KMT2B: variants seen among roughly 807,000 people sequenced by gnomAD.
The protein encoded by KMT2B is histone-lysine N-methyltransferase 2B.
Under a neutral mutation model 255.3 loss-of-function variants are expected in KMT2B, and 22 were observed. The observed-to-expected ratio is 0.09, with a 90% CI of 0.06 to 0.12. The LOEUF is 0.12. Ranked by LOEUF, KMT2B falls within the 10% of genes least tolerant of loss-of-function variation. The pLI is 1.00. For missense variants in KMT2B, 3,149 were observed against 3,737.0 expected (o/e 0.84, Z 4.10); for synonymous variants, 1,730 against 1,498.1 (o/e 1.15, Z -3.57).
chr19:35,721,216 AGCCCCTCCACCT>A lies in KMT2B; in HGVS notation c.1870_1881del (p.Ala624_Pro627del). 3.2e-5 allele frequency: 5 copies of A among 155,936 alleles called. No individual in the cohort carries two copies. Among genetic ancestry groups the A allele is most frequent in the Non-Finnish European group, 4.9e-5 (5 of 101,318 alleles). The allele number at this position is 155,936 out of a possible 1,614,324, so 9.7% of individuals were successfully genotyped here. On this transcript the variant is annotated inframe_deletion, in exon 3 of 37. Transcript: ENST00000420124. ...CCCGGGAGCTGCCCCCTCCTCCCCC[AGCCCCTCCACCT>A]CCCCCGGCCCCCTCCCCACCCCCTG...
At position 35,721,215 on chromosome 19, in the gene KMT2B, C is replaced by CA; in HGVS notation, c.1869dup (p.Ala624SerfsTer52). The CA allele has an allele frequency of 6.7e-7, 1 of 1,499,070 alleles. No individual in the cohort carries two copies. Among genetic ancestry groups the CA allele is most frequent in the South Asian group, 1.2e-5 (1 of 82,490 alleles). The allele number at this position is 1,499,070 out of a possible 1,614,324, so 92.9% of individuals were successfully genotyped here. On this transcript the variant is annotated frameshift_variant, in exon 3 of 37. Coordinates refer to ENST00000420124, the MANE Select transcript of KMT2B (RefSeq NM_014727.3). LOFTEE classifies it high-confidence loss of function. Reference sequence around the variant, plus strand: ...ACCCGGGAGCTGCCCCCTCCTCCCCCAGCCCCTCCACCTCCCCCGGCCCCC... The same window carrying CA: ...ACCCGGGAGCTGCCCCCTCCTCCCCCAAGCCCCTCCACCTCCCCCGGCCCCC...
intron 21 of KMT2B, 33 bp from the exon 22 acceptor site, chr19:35,729,126 T>C (rs1969584202): frequency 3.1e-6 from 5 of 1,613,874 alleles, no homozygotes; most frequent in Non-Finnish European, 4.2e-6. Context: ...TTCCCTGGCC[T>C]CCCCACATCA....
intron 19 of KMT2B, 69 bp downstream of exon 19, chr19:35,728,240 G>A (rs1370440935): frequency 9.5e-6 from 13 of 1,373,260 alleles, no homozygotes; most frequent in East Asian, 2.5e-5. Flanking sequence ...CAGGGGCCAC[G>A]CTGGGCTGAG....
Position 35,728,005 on chromosome 19 carries a change from C to T in KMT2B, c.4497+20C>T, listed in dbSNP as rs1453825074. The T allele has an allele frequency of 1.3e-6, 2 of 1,550,020 alleles. No individual in the cohort carries two copies. Among genetic ancestry groups the T allele is most frequent in the South Asian group, 2.4e-5 (2 of 84,230 alleles). ...CTGAAGGTGAGCTCTTCCGGGGATG[C>T]TTGTGGGGTGGGGGAGTGGGACCTT... On this transcript the variant is annotated intron_variant, in intron 18 of 36. Coordinates refer to ENST00000420124, the MANE Select transcript of KMT2B (RefSeq NM_014727.3).
At position 35,738,453 on chromosome 19, in the gene KMT2B, C is replaced by T. The variant is rs1190330467; in HGVS notation, c.8044C>T (p.Arg2682Cys). 2 of 1,613,972 alleles carry T rather than the reference C, an allele frequency of 1.2e-6. No individual in the cohort carries two copies. The highest frequency in any genetic ancestry group is 1.3e-5 in the African/African-American group (1 of 74,946). ...TATCTTCGCCCTGCGCCGCATCCTG[C>T]GTGGTGAGGAGCTCACCTACGACTA... ...IVIFALRRIL[R>C]GEELTYDYKF... Residue 2682 changes from arginine to cysteine, a missense_variant, in exon 37 of 37, where the codon CGT becomes TGT. Arg to Cys is a radical substitution (Grantham distance 180, BLOSUM62 -3). Around this residue, in one of 18 missense-constraint regions of KMT2B, gnomAD observed 56 missense variants for 238.8 expected, o/e 0.23. Transcript: ENST00000420124. This position sits in a 1 kb window ranked among gnomAD's most constrained non-coding sequence, Gnocchi z 8.7.
Position 35,718,039 on chromosome 19 carries a change from C to T in KMT2B, c.21C>T (p.Gly7=), listed in dbSNP as rs1599665170. The T allele has an allele frequency of 1.0e-6, 1 of 985,476 alleles. No individual in the cohort carries two copies. Among genetic ancestry groups the T allele is most frequent in the Non-Finnish European group, 1.2e-6 (1 of 831,160 alleles). 61.0% of individuals were successfully genotyped at this position (985,476 alleles called of 1,614,324 possible). MAAAAG[G]GSCPGPGSAR... ...CCAAGATGGCGGCGGCGGCGGGCGG[C>T]GGCAGTTGCCCCGGGCCTGGCTCCG... The change falls in exon 1 of 37, where the codon GGC becomes GGT. Residue 7 remains glycine (G), a synonymous_variant. Transcript: ENST00000420124. This position sits in a 1 kb window ranked among gnomAD's most constrained non-coding sequence, Gnocchi z 5.0.
rs184366107 is a variant in KMT2B at position 35,730,301 on chromosome 19, C to T, written c.5077-41C>T. On this transcript the variant is annotated intron_variant, in intron 23 of 36. Transcript: ENST00000420124. ...CAGACTTCCCTGGCATCCACCTCCC[C>T]CACCAATGCAGCCACCTCACTTTGC... The T allele has an allele frequency of 1.7e-4, 276 of 1,607,368 alleles. 3 individuals carry two copies. In the Middle Eastern group the frequency reaches 5.5e-3, roughly 32 times the overall value.
Position 35,721,576 on chromosome 19 carries a change from C to T in KMT2B, c.2229C>T (p.Ala743=), listed in dbSNP as rs749959510. 1 of 1,612,072 alleles carries T rather than the reference C, an allele frequency of 6.2e-7. No individual in the cohort carries two copies. Among genetic ancestry groups the T allele is most frequent in the Non-Finnish European group, 8.5e-7 (1 of 1,179,840 alleles). The change falls in exon 3 of 37, where the codon GCC becomes GCT. Residue 743 remains alanine (A), a synonymous_variant. Transcript: ENST00000420124. ...CTCAGCTACTGCAGCCCCTGCAGGC[C>T]TTGCAAACCCAGCTCCTGCCCCAGG... is the stretch of plus-strand genomic sequence containing the variant. ...TQAQLLQPLQ[A]LQTQLLPQAL... is the part of the protein sequence containing the mutation.
intron 3 of KMT2B, 98 bp from the exon 4 acceptor site, chr19:35,722,261 C>T (rs1382982431): frequency 2.2e-5 from 28 of 1,293,584 alleles, no homozygotes; most frequent in Non-Finnish European, 2.9e-5. Context: ...TCTCGGCCTC[C>T]CAAAGTGCTG....
intron 30 of KMT2B, chr19:35,735,390 C>G (rs913976777): frequency 6.6e-6 from 1 of 152,252 alleles, no homozygotes; most frequent in Non-Finnish European, 1.5e-5. Context: ...TTTGGTGCAG[C>G]GGATCCCTCC....
rs1969285831 is a variant in KMT2B, at chr19:35,723,057, G to A, written c.2785G>A (p.Ala929Thr). The A allele has an allele frequency of 6.2e-7, 1 of 1,612,440 alleles. No individual in the cohort carries two copies. Among genetic ancestry groups the A allele is most frequent in the African/African-American group, 1.3e-5 (1 of 74,866 alleles). The change falls in exon 6 of 37, where the codon GCA (alanine) becomes ACA (threonine). Residue 929 changes from alanine (A) to threonine (T), a missense_variant. Physicochemically the swap from Ala to Thr is moderately conservative, Grantham distance 58. This residue lies in a region of KMT2B where 132 missense variants were observed against 174.7 expected (regional missense o/e 0.76). Transcript: ENST00000420124. This position sits in a 1 kb window ranked among gnomAD's most constrained non-coding sequence, Gnocchi z 7.5. ...ACGGTCCCGGCGGGGAAAGGTGGAG[G>A]CAGCAGGCCCTGGGGGAGAATCAGA... The part of the protein sequence containing the change: ...PSRSRRGKVE[A>T]AGPGGESEPT...
Position 35,723,860 on chromosome 19 carries a change from G to A in KMT2B, c.3187G>A (p.Gly1063Arg). 1.9e-6 allele frequency: 3 copies of A among 1,606,752 alleles called. No individual in the cohort carries two copies. Among genetic ancestry groups the A allele is most frequent in the Non-Finnish European group, 1.7e-6 (2 of 1,177,010 alleles). Reference protein sequence around the residue: ...GPREEVVAHPGPEEQDSLLQR... With the variant: ...GPREEVVAHPRPEEQDSLLQR... ...CCGGGAGGAGGTGGTGGCCCACCCA[G>A]GGCCCGAGGAGCAGGACTCCCTCCT... The change falls in exon 8 of 37, where the codon GGG becomes AGG. Residue 1063 changes from glycine (G) to arginine (R), a missense_variant. Transcript: ENST00000420124. This position sits in a 1 kb window ranked among gnomAD's most constrained non-coding sequence, Gnocchi z 7.5.
chr19:35,720,261 T>C lies in KMT2B; in HGVS notation c.914T>C (p.Ile305Thr). ...RGRGGGLPFVIKFVSRAKKVK... is the reference protein window; with the variant it reads ...RGRGGGLPFVTKFVSRAKKVK... ...CGAGGTGGTGGGCTCCCCTTTGTGA[T>C]CAAGTTTGTTTCAAGGGCCAAAAAA... The change falls in exon 3 of 37, where the codon ATC (isoleucine) becomes ACC (threonine). Residue 305 changes from isoleucine to threonine, a missense_variant. Coordinates refer to ENST00000420124, the MANE Select transcript of KMT2B (RefSeq NM_014727.3). 1 of 1,612,962 alleles carries C rather than the reference T, an allele frequency of 6.2e-7. No individual in the cohort carries two copies. Among genetic ancestry groups the C allele is most frequent in the Non-Finnish European group, 8.5e-7 (1 of 1,179,640 alleles).
At position 35,723,377 on chromosome 19, in the gene KMT2B, G is replaced by T; in HGVS notation, c.3003-70G>T. ...CCAGAGCAGTGGGGTTGGCATTCTTGTGGAGAGCTTCCTCTCTTCCCCCAG... is the reference window on the plus strand; with the variant it reads ...CCAGAGCAGTGGGGTTGGCATTCTTTTGGAGAGCTTCCTCTCTTCCCCCAG... On this transcript the variant is annotated intron_variant, in intron 6 of 36. Coordinates refer to ENST00000420124, the MANE Select transcript of KMT2B (RefSeq NM_014727.3). The surrounding 1 kb of genome is among the most constrained non-coding windows in gnomAD (Gnocchi z 7.5). 6.5e-7 allele frequency: 1 copy of T among 1,539,708 alleles called. No individual in the cohort carries two copies. Among genetic ancestry groups the T allele is most frequent in the South Asian group, 1.2e-5 (1 of 82,076 alleles).
chr19:35,721,216 AG>A lies in KMT2B; in HGVS notation c.1870del (p.Ala624ProfsTer36). 7.1e-5 allele frequency: 11 copies of A among 155,904 alleles called. No individual in the cohort carries two copies. Among genetic ancestry groups the A allele is most frequent in the South Asian group, 1.4e-4 (2 of 14,350 alleles). The allele number at this position is 155,904 out of a possible 1,614,324, so 9.7% of individuals were successfully genotyped here. A position where few individuals can be genotyped will look rare whatever the true frequency, so the allele number is the denominator to read the frequency against. On this transcript the variant is annotated frameshift_variant, in exon 3 of 37. Coordinates refer to ENST00000420124, the MANE Select transcript of KMT2B (RefSeq NM_014727.3). LOFTEE classifies it high-confidence loss of function. ...LTRELPPPPP[A>X]PPPPPAPSPP... is the part of the protein sequence containing the mutation. ...CCCGGGAGCTGCCCCCTCCTCCCCC[AG>A]CCCCTCCACCTCCCCCGGCCCCCTC...
In KMT2B at chr19:35,732,292, C is replaced by T. The variant is rs1471456268; in HGVS notation, c.5743C>T (p.Arg1915Cys). The change falls in exon 28 of 37, where the codon CGT becomes TGT. Residue 1915 changes from arginine to cysteine, a missense_variant. Physicochemically the swap from Arg to Cys is radical, Grantham distance 180. Around this residue, in one of 18 missense-constraint regions of KMT2B, gnomAD observed 897 missense variants for 825.3 expected, o/e 1.09. Coordinates refer to ENST00000420124, the MANE Select transcript of KMT2B (RefSeq NM_014727.3). ...CCCAGCTCCCCCCAGACGTTCCCGT[C>T]GTCCCAGCCCTTTGGCTCCCAGGCC... ...DFPAPPRRSR[R>C]PSPLAPRPPP... 1 of 1,610,916 alleles carries T rather than the reference C, an allele frequency of 6.2e-7. No individual in the cohort carries two copies. The highest frequency in any genetic ancestry group is 8.5e-7 in the Non-Finnish European group (1 of 1,178,660).
chr19:35,730,942 C>T lies in KMT2B; in HGVS notation c.5437+75C>T, dbSNP rs531253981. ...ACCTACAGATCTCTGTTCCCCGCTCCCTTTTGGAAAGTCCAGGAGGCTTGC... is the reference window on the plus strand; with the variant it reads ...ACCTACAGATCTCTGTTCCCCGCTCTCTTTTGGAAAGTCCAGGAGGCTTGC... On this transcript the variant is annotated intron_variant, in intron 26 of 36. Transcript: ENST00000420124. The T allele has an allele frequency of 1.6e-5, 23 of 1,451,034 alleles. No individual in the cohort carries two copies. In the African/African-American group the frequency reaches 3.0e-4, roughly 19 times the overall value. 89.9% of individuals were successfully genotyped at this position (1,451,034 alleles called of 1,614,324 possible).
Position 35,721,507 on chromosome 19 carries a change from C to T in KMT2B, c.2160C>T (p.Ser720=). 1.9e-6 allele frequency: 3 copies of T among 1,612,188 alleles called. 1 individual carries two copies. In the South Asian group the frequency reaches 3.3e-5, roughly 18 times the overall value. The part of the protein sequence containing the change: ...VVTTPVKAEV[S]PHGAPALSNG... ...CCACTCCTGTTAAGGCCGAGGTGTCCCCTCACGGGGCTCCAGCTCTGAGCA... is the reference window on the plus strand; with the variant it reads ...CCACTCCTGTTAAGGCCGAGGTGTCTCCTCACGGGGCTCCAGCTCTGAGCA... Residue 720 remains serine, a synonymous_variant, in exon 3 of 37, where the codon TCC becomes TCT. Coordinates refer to ENST00000420124, the MANE Select transcript of KMT2B (RefSeq NM_014727.3).
chr19:35,721,267 C>T lies in KMT2B; in HGVS notation c.1920C>T (p.Ser640=), dbSNP rs1182144503. The change falls in exon 3 of 37, where the codon TCC becomes TCT. Residue 640 remains serine (S), a synonymous_variant. Coordinates refer to ENST00000420124, the MANE Select transcript of KMT2B (RefSeq NM_014727.3). ...APSPPPAPAT[S]SRRPLLLRAP... ...CCCCACCCCCTGCTCCTGCCACCTC[C>T]TCCCGGAGGCCCCTACTCCTTCGGG... 1.3e-6 allele frequency: 2 copies of T among 1,538,342 alleles called. No individual in the cohort carries two copies. The highest frequency in any genetic ancestry group is 1.7e-6 in the Non-Finnish European group (2 of 1,143,756).
Sources: gnomAD v4.1 joint callset for allele counts on GRCh38, gnomAD v4.1.1 for gene constraint, gnomAD v4.1.1 regional missense constraint, Gnocchi (gnomAD v3.1) non-coding constraint, MANE v1.5 for transcripts, NCBI Gene and HGNC (gene_info 2026-07-23, HGNC 2026-07-21) for gene names.